The following BPGM variants were observed in gnomAD, a reference collection of about 807,000 sequenced individuals.
BPGM encodes 2,3-bisphosphoglycerate mutase, erythrocyte.
BPGM carries 15 observed loss-of-function variants against 21.6 expected under a neutral mutation model. The observed-to-expected ratio is 0.70, with a 90% CI of 0.47 to 1.07. The LOEUF (loss-of-function observed/expected upper bound fraction) is 1.07, where lower values mean the gene tolerates loss of function less well. BPGM is among the 50% of genes least tolerant of loss of function. The pLI, the probability that BPGM is intolerant of heterozygous loss-of-function variation, is 0.00. For synonymous variants in BPGM, 113 were observed against 116.2 expected, an observed-to-expected ratio of 0.97 and a Z score of 0.18; for missense variants, 273 against 319.0, an observed-to-expected ratio of 0.86 and a Z score of 1.10.
intron 2 of BPGM, among the ~76,000 whole-genome samples, chr7:134,673,909 T>TC: frequency 6.7e-6 from 1 of 150,010 alleles, no homozygotes; most frequent in Middle Eastern, 3.4e-3. Flanking sequence ...TTTCCTTTTT[T>TC]TTTTTTTTTT....
rs1795729681 is a variant in BPGM, at chr7:134,661,505, A to T, written c.-3A>T. Reference sequence around the variant, plus strand: ...AAAACGCCTGGGAAGTTCAGCCATCAGTATGTCCAAGTACAAACTTATTAT... The same window carrying T: ...AAAACGCCTGGGAAGTTCAGCCATCTGTATGTCCAAGTACAAACTTATTAT... On this transcript the variant is annotated 5_prime_UTR_variant, in exon 2 of 3. Transcript: ENST00000344924. The surrounding 1 kb of genome is among the most constrained non-coding windows in gnomAD (Gnocchi z 4.6). 6.2e-7 allele frequency: 1 copy of T among 1,614,174 alleles called. No individual in the cohort carries two copies.
At chr7:134,653,300 A>G (rs1795584890) in intron 1 of BPGM, among the ~76,000 whole-genome samples, 1 of 152,204 alleles carries the variant, frequency 6.6e-6, no homozygotes, top group Admixed American at 6.5e-5. Flanking sequence ...AAAAGTTGCT[A>G]ACATCTGAGC....
intron 1 of BPGM, among the ~76,000 whole-genome samples, chr7:134,647,795 T>G (rs1283691012): frequency 6.6e-6 from 1 of 152,206 alleles, no homozygotes; most frequent in Non-Finnish European, 1.5e-5. Context: ...ATTTGTCTTT[T>G]ATTTTTTATT....
chr7:134,663,639 C>T (rs1358092408), intron 2 of BPGM, among the ~76,000 whole-genome samples: 1 of 152,160 alleles, frequency 6.6e-6, no homozygotes, highest in Non-Finnish European at 1.5e-5. Flanking sequence ...GTGCCAACTC[C>T]TTTTTCAGAG....
intron 2 of BPGM, among the ~76,000 whole-genome samples, chr7:134,674,405 T>C (rs948885057): frequency 6.6e-5 from 10 of 152,108 alleles, no homozygotes; most frequent in Non-Finnish European, 1.5e-5. Flanking sequence ...CCCCCCCAGT[T>C]CCTCCCCTAT....
intron 2 of BPGM, among the ~76,000 whole-genome samples, chr7:134,675,012 A>G (rs1432087024): frequency 1.3e-5 from 2 of 152,182 alleles, no homozygotes; most frequent in East Asian, 1.9e-4. Context: ...CTTGATAGCT[A>G]GTAATATTAA....
intron 1 of BPGM, chr7:134,660,642 T>A (rs1307027943): frequency 6.6e-6 from 1 of 152,554 alleles, no homozygotes; most frequent in African/African-American, 2.4e-5. Context: ...TCTTTATCAG[T>A]GTGGTTCCTC....
intron 2 of BPGM, among the ~76,000 whole-genome samples, chr7:134,663,577 A>G (rs963221107): frequency 6.6e-6 from 1 of 152,230 alleles, no homozygotes. Context: ...GACAACAACA[A>G]ACTGAAATTC....
At position 134,658,839 on chromosome 7, in the gene BPGM, A is replaced by G. The variant is rs189897768; in HGVS notation, c.-61-2608A>G. Among the ~76,000 whole-genome samples, 6 of 151,620 alleles carry G rather than the reference A, an allele frequency of 4.0e-5. No homozygotes were observed. The East Asian group carries it at 1.2e-3, about 29-fold the overall frequency. On this transcript the variant is annotated intron_variant, in intron 1 of 2. Coordinates refer to ENST00000344924, the MANE Select transcript of BPGM (RefSeq NM_001724.5). ...GAGTGAGGGAAGGATGCATATTTGCATAGTTTTTGTGACTGCAGTACTGTT... is the reference window on the plus strand; with the variant it reads ...GAGTGAGGGAAGGATGCATATTTGCGTAGTTTTTGTGACTGCAGTACTGTT...
chr7:134,649,807 C>T (rs1427873302), intron 1 of BPGM, among the ~76,000 whole-genome samples: 1 of 152,224 alleles, frequency 6.6e-6, no homozygotes, highest in African/African-American at 2.4e-5. Flanking sequence ...CCTTCTACCA[C>T]CTAATTTAAG....
chr7:134,670,089 C>G (rs877718), intron 2 of BPGM, among the ~76,000 whole-genome samples: 18,733 of 152,252 alleles, frequency 0.12, 1,299 homozygotes, highest in Middle Eastern at 0.2. Context: ...AACTGAAACA[C>G]TGGATGTAGT....
chr7:134,654,615 C>T (rs1795609783), intron 1 of BPGM, among the ~76,000 whole-genome samples: 3 of 152,078 alleles, frequency 2.0e-5, no homozygotes, highest in African/African-American at 7.2e-5. Flanking sequence ...GCTACTGTGA[C>T]TAATATGATC....
At chr7:134,666,720 C>A (rs541050634) in intron 2 of BPGM, among the ~76,000 whole-genome samples, 2 of 152,144 alleles carry the variant, frequency 1.3e-5, no homozygotes, top group Admixed American at 1.3e-4. Flanking sequence ...GAAATTATGT[C>A]ATGTGCATGA....
chr7:134,662,540 GGAATTGTT>G (rs1301206769), intron 2 of BPGM, among the ~76,000 whole-genome samples: 1 of 152,200 alleles, frequency 6.6e-6, no homozygotes, highest in Non-Finnish European at 1.5e-5. Flanking sequence ...AGGAAAGGAA[GGAATTGTT>G]GAAATGGCCT....
At chr7:134,658,097 G>A (rs1424448) in intron 1 of BPGM, among the ~76,000 whole-genome samples, 72,522 of 151,808 alleles carry the variant, frequency 0.48, 17,526 homozygotes, top group East Asian at 0.69. Context: ...AAAAATACAC[G>A]TTTTCATTTT....
At position 134,673,339 on chromosome 7, in the gene BPGM, T is replaced by G. The variant is rs535290845; in HGVS notation, c.602-5514T>G. ...AAAGTGGAATGTTGATTTTATTTAT[T>G]TATTGGAAACATTTCTATTTTTGTT... is the stretch of plus-strand genomic sequence containing the variant. On this transcript the variant is annotated intron_variant, in intron 2 of 2. Coordinates refer to ENST00000344924, the MANE Select transcript of BPGM (RefSeq NM_001724.5). Among the ~76,000 whole-genome samples the G allele has an allele frequency of 6.4e-4, 97 of 152,320 alleles. 1 individual carries two copies. Among genetic ancestry groups the G allele is most frequent in the South Asian group, 1.2e-3 (6 of 4,828 alleles).
chr7:134,657,269 A>G (rs1414018603), intron 1 of BPGM, among the ~76,000 whole-genome samples: 1 of 152,186 alleles, frequency 6.6e-6, no homozygotes, highest in African/African-American at 2.4e-5. Context: ...AATGGAGAGA[A>G]GAGATGAAGG....
chr7:134,673,025 G>A (rs3778836), intron 2 of BPGM, among the ~76,000 whole-genome samples: 148 of 151,718 alleles, frequency 9.8e-4, no homozygotes, highest in African/African-American at 3.3e-3. Flanking sequence ...ATACAAAAAA[G>A]TAGCCGGGTG....
chr7:134,676,967 C>T (rs1795990957), intron 2 of BPGM, among the ~76,000 whole-genome samples: 1 of 152,220 alleles, frequency 6.6e-6, no homozygotes, highest in Non-Finnish European at 1.5e-5. Flanking sequence ...GAGTAGTCAT[C>T]TCCCTGCTAA....
Sources: allele counts gnomAD v4.1 joint callset (sites outside exome capture counted in the v4.1 genomes callset), GRCh38; gene constraint gnomAD v4.1.1; non-coding constraint Gnocchi (gnomAD v3.1); transcripts MANE v1.5; gene names NCBI Gene and HGNC (gene_info 2026-07-23, HGNC 2026-07-21).